TUT4: variants seen among roughly 807,000 people sequenced by gnomAD.
TUT4 encodes the protein terminal uridylyl transferase 4, also known as terminal uridylyltransferase 4.
A neutral mutation model predicts 192.2 loss-of-function variants in TUT4; 36 were observed. That is an observed-to-expected ratio of 0.19 (90% CI 0.14 to 0.25). The LOEUF is 0.25. TUT4 is among the 10% of genes least tolerant of loss of function. The probability of loss-of-function intolerance (pLI) is 1.00; values close to 1 mark genes in which losing one functional copy is unlikely to be tolerated. For synonymous variants in TUT4, 618 were observed against 666.0 expected (o/e 0.93, Z 1.11); for missense variants, 1,493 against 1,957.2 (o/e 0.76, Z 4.47).
At chr1:52,465,002 A>G in intron 16 of TUT4, 68 bp downstream of exon 16, 2 of 1,250,458 alleles carry the variant, frequency 1.6e-6, no homozygotes, top group Non-Finnish European at 1.1e-6. Context: ...AATATCACAT[A>G]CAAAAATAAA....
At chr1:52,552,293 G>A (rs1361696221) in intron 1 of TUT4, among the ~76,000 whole-genome samples, 2 of 152,160 alleles carry the variant, frequency 1.3e-5, no homozygotes, top group African/African-American at 4.8e-5. Context: ...CACTAGGAGA[G>A]CGCTATCTGT....
At chr1:52,552,380 A>T (rs765270214) in intron 1 of TUT4, among the ~76,000 whole-genome samples, 1 of 152,126 alleles carries the variant, frequency 6.6e-6, no homozygotes, top group Non-Finnish European at 1.5e-5. Flanking sequence ...GGGAGAGAGA[A>T]GGCGGGCGAG....
intron 1 of TUT4, among the ~76,000 whole-genome samples, chr1:52,544,491 A>G (rs1326825050): frequency 6.6e-6 from 1 of 152,204 alleles, no homozygotes; most frequent in African/African-American, 2.4e-5. Context: ...TCCATCTGCA[A>G]AAGATTGAAT....
At position 52,475,430 on chromosome 1, in the gene TUT4, G is replaced by A; in HGVS notation, c.2129C>T (p.Pro710Leu). 1.2e-6 allele frequency: 2 copies of A among 1,614,010 alleles called. No individual in the cohort carries two copies. Among genetic ancestry groups the A allele is most frequent in the Non-Finnish European group, 8.5e-7 (1 of 1,180,034 alleles). The change falls in exon 13 of 30, where the codon CCT becomes CTT. Residue 710 changes from proline to leucine, a missense_variant. Physicochemically the swap from Pro to Leu is moderately conservative, Grantham distance 98. Around this residue, in one of 7 missense-constraint regions of TUT4, gnomAD observed 245 missense variants for 218.4 expected, o/e 1.12. Coordinates refer to ENST00000257177, the MANE Select transcript of TUT4 (RefSeq NM_001009881.3). ...FRAAYRYFAC[P>L]QTKGGNKSTV... ...AGACTTATTTCCACCCTTCGTCTGA[G>A]GACAGGCAAAATACCGATAAGCTGC... is the stretch of plus-strand genomic sequence containing the variant.
intron 4 of TUT4, among the ~76,000 whole-genome samples, chr1:52,508,250 C>G (rs1676156093): frequency 6.6e-6 from 1 of 150,624 alleles, no homozygotes; most frequent in Non-Finnish European, 1.5e-5. Context: ...TCGCTTAAAC[C>G]TGGGAGGCAG....
Position 52,488,334 on chromosome 1 carries a change from T to C in TUT4, c.1515+575A>G, listed in dbSNP as rs1330900863. 5.3e-5 allele frequency among the ~76,000 whole-genome samples: 8 copies of C among 152,198 alleles called. No homozygotes were observed. In the East Asian group the frequency reaches 1.5e-3, roughly 29 times the overall value. On this transcript the variant is annotated intron_variant, in intron 9 of 29. Transcript: ENST00000257177. ...GGCTAAAATCTCTCTCTCTAGTCATTTGGACTGATATTGATAATTAACTAC... is the reference window on the plus strand; with the variant it reads ...GGCTAAAATCTCTCTCTCTAGTCATCTGGACTGATATTGATAATTAACTAC...
intron 11 of TUT4, among the ~76,000 whole-genome samples, chr1:52,479,224 A>G (rs1667855281): frequency 1.3e-5 from 2 of 152,196 alleles, no homozygotes; most frequent in African/African-American, 2.4e-5. Context: ...GAAAGCAAAG[A>G]GCCAGGAAGG....
At chr1:52,512,436 T>C (rs1237391339) in intron 3 of TUT4, among the ~76,000 whole-genome samples, 1 of 152,208 alleles carries the variant, frequency 6.6e-6, no homozygotes, top group African/African-American at 2.4e-5. Context: ...ATTTAAATAA[T>C]TTATCCAAGG....
rs766749293 is a variant in TUT4, at chr1:52,474,929, T to C, written c.2630A>G (p.Lys877Arg). 3 of 1,614,190 alleles carry C rather than the reference T, an allele frequency of 1.9e-6. No homozygotes were observed. In the South Asian group the frequency reaches 3.3e-5, roughly 18 times the overall value. ...TDTSATSCNCKATEDASDLND... is the reference protein window; with the variant it reads ...TDTSATSCNCRATEDASDLND... ...AAGGTCAGAAGCATCTTCTGTAGCT[T>C]TGCAGTTGCAAGAGGTAGCAGATGT... Residue 877 changes from lysine to arginine, a missense_variant, in exon 13 of 30, where the codon AAA becomes AGA. Transcript: ENST00000257177.
chr1:52,484,487 T>C (rs1475941663), intron 9 of TUT4, among the ~76,000 whole-genome samples: 1 of 152,192 alleles, frequency 6.6e-6, no homozygotes, highest in Non-Finnish European at 1.5e-5. Flanking sequence ...AGGACAACTA[T>C]ACACCTTCTA....
intron 9 of TUT4, among the ~76,000 whole-genome samples, chr1:52,487,465 A>C (rs1472228662): frequency 6.6e-6 from 1 of 151,878 alleles, no homozygotes; most frequent in East Asian, 1.9e-4. Flanking sequence ...AAAACTTAGT[A>C]AAAAAAACCA....
chr1:52,447,721 G>A (rs1056437185), intron 20 of TUT4, among the ~76,000 whole-genome samples: 3 of 152,178 alleles, frequency 2.0e-5, no homozygotes, highest in African/African-American at 7.2e-5. Context: ...TCAGTCAGGA[G>A]ACCTAATTTC....
intron 20 of TUT4, among the ~76,000 whole-genome samples, chr1:52,455,144 C>T (rs2148600825): frequency 6.6e-6 from 1 of 152,056 alleles, no homozygotes; most frequent in South Asian, 2.1e-4. Flanking sequence ...ACTAGCCAGA[C>T]ATGGTGGCTC....
intron 16 of TUT4, among the ~76,000 whole-genome samples, chr1:52,464,415 C>A (rs1663504990): frequency 6.6e-6 from 1 of 152,036 alleles, no homozygotes; most frequent in Non-Finnish European, 1.5e-5. Flanking sequence ...CCACCATGCC[C>A]AGCTAATTTT....
intron 20 of TUT4, among the ~76,000 whole-genome samples, chr1:52,451,342 T>C (rs1355632301): frequency 3.3e-5 from 5 of 151,938 alleles, no homozygotes; most frequent in Non-Finnish European, 7.4e-5. Context: ...TAATTTATGG[T>C]AAATTTTAAA....
chr1:52,491,684 C>T (rs1671191913), intron 7 of TUT4, among the ~76,000 whole-genome samples: 1 of 151,714 alleles, frequency 6.6e-6, no homozygotes. Context: ...GACTCCATCT[C>T]AAAATAAACA....
chr1:52,423,983 C>T lies in TUT4; in HGVS notation c.4890G>A (p.Arg1630=), dbSNP rs1196046154. ...GTGGGTGGGGACAACGCTCTCTACACCGACGGGTGGCACATCTGTCTGTTG... is the reference window on the plus strand; with the variant it reads ...GTGGGTGGGGACAACGCTCTCTACATCGACGGGTGGCACATCTGTCTGTTG... ...FYTQDRCATR[R]CRERCPHPPR... Residue 1630 remains arginine, a synonymous_variant, in exon 30 of 30, where the codon CGG becomes CGA. Coordinates refer to ENST00000257177, the MANE Select transcript of TUT4 (RefSeq NM_001009881.3). The T allele has an allele frequency of 1.2e-6, 2 of 1,612,494 alleles. No individual in the cohort carries two copies. The highest frequency in any genetic ancestry group is 2.2e-5 in the South Asian group (2 of 90,718).
chr1:52,454,454 G>C (rs1055609253), intron 20 of TUT4, among the ~76,000 whole-genome samples: 2 of 152,180 alleles, frequency 1.3e-5, no homozygotes, highest in Non-Finnish European at 2.9e-5. Flanking sequence ...CTTGACAAAG[G>C]AGCAAAGACA....
intron 4 of TUT4, among the ~76,000 whole-genome samples, chr1:52,509,014 C>T (rs991874608): frequency 9.9e-5 from 15 of 152,156 alleles, no homozygotes; most frequent in Non-Finnish European, 5.9e-5. Context: ...TATGCCATGC[C>T]TTTTCCTGCC....
Sources: allele counts gnomAD v4.1 joint callset (sites outside exome capture counted in the v4.1 genomes callset), GRCh38; gene constraint gnomAD v4.1.1; regional missense constraint gnomAD v4.1.1; transcripts MANE v1.5; gene names NCBI Gene and HGNC (gene_info 2026-07-23, HGNC 2026-07-21).